The following SFMBT2 variants were observed in gnomAD, a reference collection of about 807,000 sequenced individuals.
SFMBT2 encodes the protein Scm like with four mbt domains 2.
In SFMBT2, 38 loss-of-function variants were observed where a neutral mutation model predicts 110.1. The observed-to-expected ratio is 0.35, with a 90% CI of 0.27 to 0.45. The LOEUF is 0.45. SFMBT2 is among the 20% of genes least tolerant of loss of function. The pLI is 1.00. For synonymous variants in SFMBT2, 425 were observed against 425.4 expected (o/e 1.00, Z 0.01); for missense variants, 1,011 against 1,094.9 (o/e 0.92, Z 1.08).
At chr10:7,210,669 C>A (rs1428503787) in intron 11 of SFMBT2, among the ~76,000 whole-genome samples, 1 of 152,230 alleles carries the variant, frequency 6.6e-6, no homozygotes, top group African/African-American at 2.4e-5. Flanking sequence ...GAATGCAAAG[C>A]CGGTGTGAGT....
At chr10:7,400,480 C>G (rs747837110) in intron 1 of SFMBT2, among the ~76,000 whole-genome samples, 1 of 151,984 alleles carries the variant, frequency 6.6e-6, no homozygotes, top group African/African-American at 2.4e-5. Context: ...AGGGAGAAGG[C>G]GAGAAGAGAA....
In SFMBT2 at chr10:7,387,562, G is replaced by T. The variant is rs187531038; in HGVS notation, c.-51-5613C>A. On this transcript the variant is annotated intron_variant, in intron 1 of 20. Coordinates refer to ENST00000397167, the MANE Select transcript of SFMBT2 (RefSeq NM_001387889.1). ...ATAGGAAGGCGAGCTTGGGTGGGCC[G>T]GGGGGTGCATCAAAGCGGAACAGAA... Among the ~76,000 whole-genome samples the T allele has an allele frequency of 2.2e-3, 327 of 151,980 alleles. 3 individuals are homozygous for T. Among genetic ancestry groups the T allele is most frequent in the African/African-American group, 7.7e-3 (319 of 41,450 alleles).
In SFMBT2 at chr10:7,243,540, C is replaced by A. The variant is rs1171841026; in HGVS notation, c.1120+18G>T. ...CTCCTGAATCTCCAGACCCTGCATA[C>A]CTTCACAGAATACAAACCTTTGGGA... On this transcript the variant is annotated intron_variant, in intron 9 of 20. Coordinates refer to ENST00000397167, the MANE Select transcript of SFMBT2 (RefSeq NM_001387889.1). The A allele has an allele frequency of 1.1e-6, 1 of 872,276 alleles. No homozygotes were observed. The highest frequency in any genetic ancestry group is 1.3e-5 in the South Asian group (1 of 76,518). The allele number at this position is 872,276 out of a possible 1,614,324, so 54.0% of individuals were successfully genotyped here. A position where few individuals can be genotyped will look rare whatever the true frequency, so the allele number is the denominator to read the frequency against.
At chr10:7,315,070 A>AGAGAG (rs1842964572) in intron 4 of SFMBT2, among the ~76,000 whole-genome samples, 1 of 143,134 alleles carries the variant, frequency 7.0e-6, no homozygotes, top group African/African-American at 2.6e-5. Context: ...GAAAGAAAGA[A>AGAGAG]AGAAAGAAAG....
intron 4 of SFMBT2, among the ~76,000 whole-genome samples, chr10:7,364,397 G>A (rs1413772266): frequency 1.3e-5 from 2 of 152,182 alleles, no homozygotes; most frequent in Non-Finnish European, 2.9e-5. Flanking sequence ...GGCAAAGTCA[G>A]TAGGATACAA....
At chr10:7,257,216 G>A (rs1841046113) in intron 7 of SFMBT2, among the ~76,000 whole-genome samples, 1 of 152,142 alleles carries the variant, frequency 6.6e-6, no homozygotes, top group East Asian at 1.9e-4. Context: ...ATATCTTGGT[G>A]TCCTGACTTT....
Position 7,227,886 on chromosome 10 carries a change from G to T in SFMBT2, c.1172C>A (p.Ala391Glu), listed in dbSNP as rs750758773. The change falls in exon 10 of 21, where the codon GCG (alanine) becomes GAG (glutamate). Residue 391 changes from alanine to glutamate, a missense_variant. Ala to Glu is a moderately radical substitution (Grantham distance 107). This residue lies in a region of SFMBT2 where 979 missense variants were observed against 1,016.1 expected (regional missense o/e 0.96). Coordinates refer to ENST00000397167, the MANE Select transcript of SFMBT2 (RefSeq NM_001387889.1). ...GAAGCAGAAGGGAGGGGCTTCCTGCGCCCCATGCTGCTTGTGATAATCTGC... is the reference window on the plus strand; with the variant it reads ...GAAGCAGAAGGGAGGGGCTTCCTGCTCCCCATGCTGCTTGTGATAATCTGC... The part of the protein sequence containing the change: ...DWADYHKQHG[A>E]QEAPPFCFRN... 12 of 1,609,140 alleles carry T rather than the reference G, an allele frequency of 7.5e-6. No homozygotes were observed. The Admixed American group carries it at 2.0e-4, about 27-fold the overall frequency.
intron 4 of SFMBT2, among the ~76,000 whole-genome samples, chr10:7,339,467 AAAC>A (rs1843823961): frequency 6.6e-6 from 1 of 152,210 alleles, no homozygotes; most frequent in South Asian, 2.1e-4. Flanking sequence ...TCCTATTTTG[AAAC>A]AACTATAATT....
intron 11 of SFMBT2, among the ~76,000 whole-genome samples, chr10:7,209,386 T>A (rs1225432799): frequency 6.6e-6 from 1 of 152,256 alleles, no homozygotes; most frequent in African/African-American, 2.4e-5. Flanking sequence ...TCTCTTGACT[T>A]TGGCTAAGCT....
At chr10:7,263,097 G>A (rs773435263) in intron 7 of SFMBT2, among the ~76,000 whole-genome samples, 3 of 152,076 alleles carry the variant, frequency 2.0e-5, no homozygotes, top group Non-Finnish European at 2.9e-5. Flanking sequence ...CAGACACTGG[G>A]GATGCCTGAG....
At chr10:7,215,740 A>G in intron 11 of SFMBT2, 2 of 985,392 alleles carry the variant, frequency 2.0e-6, no homozygotes, top group Non-Finnish European at 2.4e-6. Context: ...AACTTCATAG[A>G]CATCAGGGCC....
chr10:7,294,790 T>C (rs556246856), intron 4 of SFMBT2, among the ~76,000 whole-genome samples: 3 of 152,212 alleles, frequency 2.0e-5, no homozygotes, highest in Non-Finnish European at 2.9e-5. Flanking sequence ...GAGCATTTTA[T>C]ATAATCAGAC....
At chr10:7,385,737 C>A (rs188513388) in intron 1 of SFMBT2, among the ~76,000 whole-genome samples, 1 of 152,102 alleles carries the variant, frequency 6.6e-6, no homozygotes, top group African/African-American at 2.4e-5. Flanking sequence ...CAGTGGCTCA[C>A]GCCTGTAATC....
At chr10:7,251,543 A>G (rs2762584) in intron 7 of SFMBT2, among the ~76,000 whole-genome samples, 119,211 of 152,136 alleles carry the variant, frequency 0.78, 48,234 homozygotes, top group East Asian at 0.92. Flanking sequence ...TCCCGATCAC[A>G]GCTTTTGCAG....
chr10:7,273,278 T>C (rs10905143), intron 7 of SFMBT2, among the ~76,000 whole-genome samples: 81,181 of 152,050 alleles, frequency 0.53, 22,160 homozygotes, highest in East Asian at 0.8. Flanking sequence ...CAGACCAAGA[T>C]TGTTAACAAT....
chr10:7,185,416 G>A (rs929335057), intron 16 of SFMBT2, among the ~76,000 whole-genome samples: 7 of 152,096 alleles, frequency 4.6e-5, no homozygotes, highest in African/African-American at 4.8e-5. Flanking sequence ...TGTTACCTGC[G>A]ACAGTTCATA....
At chr10:7,254,421 T>G (rs1348749503) in intron 7 of SFMBT2, among the ~76,000 whole-genome samples, 1 of 152,146 alleles carries the variant, frequency 6.6e-6, no homozygotes, top group African/African-American at 2.4e-5. Flanking sequence ...CAAATTTTTT[T>G]ACTTCTAGCA....
intron 4 of SFMBT2, chr10:7,287,301 G>A (rs948141027): frequency 3.7e-5 from 6 of 162,638 alleles, no homozygotes; most frequent in Admixed American, 1.3e-4. Flanking sequence ...AGATGGTCTC[G>A]ATCTCCTGAC....
At chr10:7,373,577 C>G (rs553930306) in intron 2 of SFMBT2, among the ~76,000 whole-genome samples, 2 of 152,126 alleles carry the variant, frequency 1.3e-5, no homozygotes, top group African/African-American at 4.8e-5. Context: ...AAAGCTGGAG[C>G]TCTTATGAAG....
Sources: gnomAD v4.1 joint callset for allele counts (sites outside exome capture counted in the v4.1 genomes callset) on GRCh38, gnomAD v4.1.1 for gene constraint, gnomAD v4.1.1 regional missense constraint, MANE v1.5 for transcripts, NCBI Gene and HGNC (gene_info 2026-07-23, HGNC 2026-07-21) for gene names.